Variants in CHCHD3 observed in about 807,000 individuals in gnomAD.
CHCHD3 encodes MICOS complex subunit MIC19.
In CHCHD3, 20 loss-of-function variants were observed where a neutral mutation model predicts 38.2. The observed-to-expected ratio is 0.52, with a 90% CI of 0.37 to 0.76. CHCHD3 has a LOEUF of 0.76. Among genes scored for constraint, CHCHD3 ranks in the 30% least tolerant of loss-of-function variants. The pLI is 0.00. For synonymous variants in CHCHD3, 82 were observed against 100.0 expected, an observed-to-expected ratio of 0.82 and a Z score of 1.07; for missense variants, 245 against 279.2, an observed-to-expected ratio of 0.88 and a Z score of 0.87.
At chr7:133,016,820 C>T (rs1489524226) in intron 3 of CHCHD3, among the ~76,000 whole-genome samples, 1 of 152,204 alleles carries the variant, frequency 6.6e-6, no homozygotes, top group Admixed American at 6.5e-5. Flanking sequence ...ACAGGATCAA[C>T]AGATGGCTTC....
chr7:132,960,164 G>A (rs2117304665), intron 4 of CHCHD3, among the ~76,000 whole-genome samples: 1 of 152,128 alleles, frequency 6.6e-6, no homozygotes, highest in Middle Eastern at 3.4e-3. Flanking sequence ...TCATTTACAA[G>A]GACAAAACCT....
At chr7:132,827,594 T>C (rs1029281689) in intron 6 of CHCHD3, among the ~76,000 whole-genome samples, 2 of 152,230 alleles carry the variant, frequency 1.3e-5, no homozygotes, top group African/African-American at 4.8e-5. Flanking sequence ...ATCTTCAGTG[T>C]TCATATTGTA....
chr7:132,840,897 A>AAC (rs1450971064), intron 5 of CHCHD3, among the ~76,000 whole-genome samples: 5 of 150,520 alleles, frequency 3.3e-5, no homozygotes, highest in African/African-American at 9.9e-5. Context: ...AGGATGTTAA[A>AAC]ACACACACAC....
chr7:132,859,599 T>C (rs969371874), intron 5 of CHCHD3, among the ~76,000 whole-genome samples: 1 of 152,242 alleles, frequency 6.6e-6, no homozygotes, highest in African/African-American at 2.4e-5. Context: ...GAAGACGCTC[T>C]TAATAATCTT....
chr7:132,873,230 C>T (rs1808808912), intron 5 of CHCHD3, among the ~76,000 whole-genome samples: 1 of 152,022 alleles, frequency 6.6e-6, no homozygotes, highest in Non-Finnish European at 1.5e-5. Context: ...AAGACAGAGG[C>T]CTGGGTGCAC....
At chr7:132,880,570 A>G (rs958444710) in intron 5 of CHCHD3, among the ~76,000 whole-genome samples, 9 of 152,212 alleles carry the variant, frequency 5.9e-5, no homozygotes, top group Non-Finnish European at 7.3e-5. Flanking sequence ...AGCTTAGAAA[A>G]TCTAGGATTC....
intron 3 of CHCHD3, among the ~76,000 whole-genome samples, chr7:132,984,618 G>A (rs1205786232): frequency 6.7e-6 from 1 of 149,716 alleles, no homozygotes; most frequent in Non-Finnish European, 1.5e-5. Context: ...AGGAAGTGAG[G>A]AGCGTCTCTG....
intron 6 of CHCHD3, among the ~76,000 whole-genome samples, chr7:132,829,962 G>A (rs369499070): frequency 6.6e-6 from 1 of 152,072 alleles, no homozygotes; most frequent in Non-Finnish European, 1.5e-5. Flanking sequence ...ATACTGTGGC[G>A]ACCAGTCATG....
At chr7:132,963,313 A>T (rs886343994) in intron 4 of CHCHD3, among the ~76,000 whole-genome samples, 1 of 148,450 alleles carries the variant, frequency 6.7e-6, no homozygotes, top group Non-Finnish European at 1.5e-5. Flanking sequence ...AAGGAATTTT[A>T]AAATTGTAAT....
chr7:132,851,098 T>C (rs541373248), intron 5 of CHCHD3, among the ~76,000 whole-genome samples: 12 of 152,312 alleles, frequency 7.9e-5, no homozygotes, highest in African/African-American at 2.6e-4. Flanking sequence ...CAAAACACTT[T>C]GAATATTTTA....
chr7:133,046,830 T>A (rs1490104921), intron 2 of CHCHD3, among the ~76,000 whole-genome samples: 1 of 152,240 alleles, frequency 6.6e-6, no homozygotes, highest in Non-Finnish European at 1.5e-5. Context: ...CCCAAAGTTC[T>A]GGGATTACAG....
At chr7:132,836,090 C>T (rs550472047) in intron 6 of CHCHD3, among the ~76,000 whole-genome samples, 1 of 151,956 alleles carries the variant, frequency 6.6e-6, no homozygotes, top group Non-Finnish European at 1.5e-5. Flanking sequence ...CAAACTAATA[C>T]ACCAACCAAT....
chr7:133,034,766 C>T, intron 2 of CHCHD3: 2 of 1,613,476 alleles, frequency 1.2e-6, no homozygotes. Context: ...CTGGACTCAG[C>T]GGAAAGGCAA....
intron 4 of CHCHD3, among the ~76,000 whole-genome samples, chr7:132,929,028 A>G (rs1585646991): frequency 6.6e-6 from 1 of 152,130 alleles, no homozygotes; most frequent in Non-Finnish European, 1.5e-5. Flanking sequence ...TAATACCTTT[A>G]AGGAAAACCA....
chr7:133,035,168 C>T lies in CHCHD3; in HGVS notation c.170-10541G>A, dbSNP rs1584661669. The T allele has an allele frequency of 6.2e-7, 1 of 1,613,736 alleles. No homozygotes were observed. Among genetic ancestry groups the T allele is most frequent in the Non-Finnish European group, 8.5e-7 (1 of 1,179,696 alleles). On this transcript the variant is annotated intron_variant, in intron 2 of 7. Transcript: ENST00000262570. The surrounding 1 kb of genome is among the most constrained non-coding windows in gnomAD (Gnocchi z 4.7). Reference sequence around the variant, plus strand: ...CAGGAGCAGGGGCAGCCGCCTTTTTCTCCTCCTTCCGCTCAGCCTGGGGCT... The same window carrying T: ...CAGGAGCAGGGGCAGCCGCCTTTTTTTCCTCCTTCCGCTCAGCCTGGGGCT...
chr7:132,881,049 T>G (rs1175893558), intron 5 of CHCHD3, among the ~76,000 whole-genome samples: 1 of 152,198 alleles, frequency 6.6e-6, no homozygotes, highest in Non-Finnish European at 1.5e-5. Flanking sequence ...ATGCCATTGA[T>G]AACTTAGCAA....
chr7:133,006,496 A>AAATAAAT (rs763770783), intron 3 of CHCHD3, among the ~76,000 whole-genome samples: 1,260 of 115,836 alleles, frequency 0.011, 13 homozygotes, highest in African/African-American at 0.021. Flanking sequence ...AATAAATAAA[A>AAATAAAT]AAATAAATAA....
At position 132,829,128 on chromosome 7, in the gene CHCHD3, G is replaced by A. The variant is rs1489380379; in HGVS notation, c.524+9271C>T. On this transcript the variant is annotated intron_variant, in intron 6 of 7. Coordinates refer to ENST00000262570, the MANE Select transcript of CHCHD3 (RefSeq NM_017812.4). ...TAACTGAAGCCCTTAACAAGTAAAT[G>A]AATTCTAGTTGGAATTGGCAAGAGG... is the stretch of plus-strand genomic sequence containing the variant. 2.0e-5 allele frequency among the ~76,000 whole-genome samples: 3 copies of A among 152,276 alleles called. No homozygotes were observed. The East Asian group carries it at 5.8e-4, about 29-fold the overall frequency.
rs558024608 is a variant in CHCHD3, at chr7:132,826,038, A to G, written c.524+12361T>C. ...CAGGAACAGGTGTATGCTACCTTCG[A>G]CATTCCAATCATAAACCATGCTGAA... On this transcript the variant is annotated intron_variant, in intron 6 of 7. Coordinates refer to ENST00000262570, the MANE Select transcript of CHCHD3 (RefSeq NM_017812.4). 2.0e-5 allele frequency among the ~76,000 whole-genome samples: 3 copies of G among 152,326 alleles called. No individual in the cohort carries two copies. In the South Asian group the frequency reaches 6.2e-4, roughly 32 times the overall value.
Sources: gnomAD v4.1 joint callset for allele counts (sites outside exome capture counted in the v4.1 genomes callset) on GRCh38, gnomAD v4.1.1 for gene constraint, Gnocchi (gnomAD v3.1) non-coding constraint, MANE v1.5 for transcripts, NCBI Gene and HGNC (gene_info 2026-07-23, HGNC 2026-07-21) for gene names.